CDH13: variants seen among roughly 807,000 people sequenced by gnomAD.
CDH13 encodes the protein cadherin-13.
In CDH13, 24 loss-of-function variants were observed where a neutral mutation model predicts 63.8. That is an observed-to-expected ratio of 0.38 (90% CI 0.27 to 0.53). The LOEUF is 0.53. Ranked by LOEUF, CDH13 falls within the 20% of genes least tolerant of loss-of-function variation. The probability of loss-of-function intolerance (pLI) is 0.85; values close to 1 mark genes in which losing one functional copy is unlikely to be tolerated. For synonymous variants in CDH13, 503 were observed against 355.3 expected (o/e 1.42, Z -4.67); for missense variants, 1,049 against 903.1 (o/e 1.16, Z -2.07).
intron 5 of CDH13, among the ~76,000 whole-genome samples, chr16:83,235,826 A>G (rs144564052): frequency 8.5e-5 from 13 of 152,232 alleles, no homozygotes; most frequent in African/African-American, 3.1e-4. Context: ...TAGAATGTGC[A>G]TTTCTCAAAG....
At chr16:82,710,590 T>A (rs1478918186) in intron 1 of CDH13, among the ~76,000 whole-genome samples, 1 of 78,342 alleles carries the variant, frequency 1.3e-5, no homozygotes, top group Admixed American at 1.7e-4. Flanking sequence ...TATATTTCTA[T>A]ATTTATAAAA....
At chr16:83,055,546 A>G (rs1284547982) in intron 3 of CDH13, among the ~76,000 whole-genome samples, 2 of 151,066 alleles carry the variant, frequency 1.3e-5, no homozygotes, top group African/African-American at 4.9e-5. Context: ...AAATCAGTGT[A>G]CCAAAGCATA....
intron 2 of CDH13, among the ~76,000 whole-genome samples, chr16:83,020,778 A>G (rs1198126180): frequency 1.3e-5 from 2 of 152,130 alleles, no homozygotes; most frequent in Non-Finnish European, 1.5e-5. Flanking sequence ...CTCCCCAGGT[A>G]TATCTGCTCT....
chr16:82,744,198 C>T (rs62034479), intron 1 of CDH13, among the ~76,000 whole-genome samples: 36,164 of 152,118 alleles, frequency 0.24, 5,225 homozygotes, highest in South Asian at 0.37. Flanking sequence ...TCAGGATATA[C>T]CCAGGAAGCA....
chr16:83,515,917 A>G (rs923947523), intron 7 of CDH13, among the ~76,000 whole-genome samples: 1 of 152,204 alleles, frequency 6.6e-6, no homozygotes, highest in African/African-American at 2.4e-5. Flanking sequence ...AAGCCAGAAA[A>G]AGAAAAGAAA....
intron 7 of CDH13, among the ~76,000 whole-genome samples, chr16:83,520,072 T>G (rs2074793634): frequency 6.6e-6 from 1 of 152,114 alleles, no homozygotes; most frequent in South Asian, 2.1e-4. Context: ...GGACTGACAA[T>G]ATCAAGTGCT....
At chr16:83,404,498 G>C (rs552027676) in intron 6 of CDH13, among the ~76,000 whole-genome samples, 2 of 152,288 alleles carry the variant, frequency 1.3e-5, no homozygotes, top group Non-Finnish European at 2.9e-5. Context: ...AAAATACTTA[G>C]AGCCCACAAG....
At chr16:83,453,192 A>G (rs1009637592) in intron 6 of CDH13, among the ~76,000 whole-genome samples, 7 of 152,114 alleles carry the variant, frequency 4.6e-5, no homozygotes, top group Non-Finnish European at 1.0e-4. Flanking sequence ...TAAGGATTGT[A>G]CAATGGATTT....
intron 3 of CDH13, among the ~76,000 whole-genome samples, chr16:83,044,476 T>A (rs1917599547): frequency 6.6e-6 from 1 of 152,194 alleles, no homozygotes; most frequent in South Asian, 2.1e-4. Context: ...AAACTTTTCC[T>A]GTGAATAGAA....
chr16:83,734,506 C>T (rs1911343508), intron 10 of CDH13, among the ~76,000 whole-genome samples: 1 of 151,288 alleles, frequency 6.6e-6, no homozygotes, highest in Non-Finnish European at 1.5e-5. Context: ...ACCGCATGTT[C>T]TCACTCATAG....
intron 10 of CDH13, chr16:83,710,186 G>C (rs1201610607): frequency 6.6e-6 from 1 of 152,184 alleles, no homozygotes; most frequent in African/African-American, 2.4e-5. Context: ...CAGATGTCAG[G>C]GGGGACAATT....
At chr16:83,137,134 A>C (rs2036325314) in intron 4 of CDH13, among the ~76,000 whole-genome samples, 1 of 152,164 alleles carries the variant, frequency 6.6e-6, no homozygotes, top group Admixed American at 6.5e-5. Context: ...TGGCTTCCAC[A>C]CCCACCTGTT....
chr16:83,793,850 T>C (rs1319637759), intron 13 of CDH13, among the ~76,000 whole-genome samples: 2 of 149,940 alleles, frequency 1.3e-5, no homozygotes, highest in African/African-American at 2.5e-5. Context: ...TGTGACTCAG[T>C]GAAGGATTTT....
At chr16:82,658,535 A>G (rs779617107) in intron 1 of CDH13, among the ~76,000 whole-genome samples, 1 of 152,240 alleles carries the variant, frequency 6.6e-6, no homozygotes, top group Admixed American at 6.5e-5. Context: ...CTGCCTGGGT[A>G]TAAATTGCAC....
intron 4 of CDH13, among the ~76,000 whole-genome samples, chr16:83,170,553 A>G (rs9941241): frequency 0.19 from 28,409 of 152,072 alleles, 2,827 homozygotes; most frequent in African/African-American, 0.23. Flanking sequence ...CCGGACAGCT[A>G]TCTGTCAGTC....
intron 1 of CDH13, among the ~76,000 whole-genome samples, chr16:82,757,037 C>A (rs1844936246): frequency 6.6e-6 from 1 of 152,130 alleles, no homozygotes; most frequent in African/African-American, 2.4e-5. Context: ...CTGTTACTTG[C>A]CCATCAGGAT....
chr16:83,131,712 C>T (rs1305752668), intron 4 of CDH13, among the ~76,000 whole-genome samples: 1 of 152,156 alleles, frequency 6.6e-6, no homozygotes, highest in East Asian at 1.9e-4. Context: ...ATTAGAGATT[C>T]TGCTTTCATC....
At chr16:82,681,050 G>A (rs901431673) in intron 1 of CDH13, among the ~76,000 whole-genome samples, 2 of 152,216 alleles carry the variant, frequency 1.3e-5, no homozygotes, top group Non-Finnish European at 2.9e-5. Context: ...ATGAGAGCAG[G>A]TCTGTTCTGG....
chr16:82,733,804 A>C (rs963344377), intron 1 of CDH13, among the ~76,000 whole-genome samples: 2 of 152,172 alleles, frequency 1.3e-5, no homozygotes, highest in Non-Finnish European at 2.9e-5. Context: ...TTAACACAAA[A>C]CAAAAACTGG....
Sources: allele counts gnomAD v4.1 joint callset (sites outside exome capture counted in the v4.1 genomes callset), GRCh38; gene constraint gnomAD v4.1.1; transcripts MANE v1.5; gene names NCBI Gene and HGNC (gene_info 2026-07-23, HGNC 2026-07-21).